The following UBA2 variants were observed in gnomAD, a reference collection of about 807,000 sequenced individuals.
The protein encoded by UBA2 is SUMO-activating enzyme subunit 2.
Under a neutral mutation model 77.2 loss-of-function variants are expected in UBA2, and 11 were observed. That is an observed-to-expected ratio of 0.14 (90% CI 0.09 to 0.24). The LOEUF is 0.24. UBA2 is among the 10% of genes least tolerant of loss of function. The pLI is 1.00. For missense variants in UBA2, 487 were observed against 781.7 expected (o/e 0.62, Z 4.50); for synonymous variants, 278 against 276.7 (o/e 1.00, Z -0.05).
At chr19:34,449,006 A>T (rs2145530548) in intron 8 of UBA2, among the ~76,000 whole-genome samples, 1 of 149,856 alleles carries the variant, frequency 6.7e-6, no homozygotes, top group Middle Eastern at 3.4e-3. Context: ...CTTTGTACCC[A>T]TTTCACATGT....
chr19:34,450,058 T>C (rs2145533803), intron 8 of UBA2, among the ~76,000 whole-genome samples: 1 of 152,338 alleles, frequency 6.6e-6, no homozygotes, highest in African/African-American at 2.4e-5. Context: ...CTCAGAGCAC[T>C]TCTGCATTTC....
At chr19:34,438,543 A>G in intron 5 of UBA2, 102 bp from the exon 6 acceptor site, 1 of 1,420,186 alleles carries the variant, frequency 7.0e-7, no homozygotes, top group Admixed American at 2.3e-5. Context: ...TTGACAACGT[A>G]AAACGTAGTT....
Position 34,428,562 on chromosome 19 carries a change from A to G in UBA2, c.130A>G (p.Ile44Val), listed in dbSNP as rs370032824. 1.7e-5 allele frequency: 22 copies of G among 1,276,624 alleles called. No individual in the cohort carries two copies. Among genetic ancestry groups the G allele is most frequent in the East Asian group, 6.1e-5 (2 of 32,686 alleles). 79.1% of individuals were successfully genotyped at this position (1,276,624 alleles called of 1,614,324 possible). The stretch of plus-strand genomic sequence containing the variant: ...TCTCGTGCTCACCGGTTTCTCCCAC[A>G]TCGACCTGGTGAGGGCCGGGCGCGC... ...KNLVLTGFSH[I>V]DLIDLDTIDV... Residue 44 changes from isoleucine to valine, a missense_variant, in exon 1 of 17, where the codon ATC becomes GTC. By Grantham distance (29) the Ile-to-Val change is conservative (BLOSUM62 3). Transcript: ENST00000246548.
At chr19:34,451,580 C>CTCTG (rs1390497873) in intron 9 of UBA2, among the ~76,000 whole-genome samples, 5 of 104,534 alleles carry the variant, frequency 4.8e-5, no homozygotes, top group African/African-American at 1.8e-4. Context: ...CAGAGTCTTG[C>CTCTG]TCTGTCGCCC....
intron 7 of UBA2, 92 bp from the exon 8 acceptor site, chr19:34,444,908 T>C: frequency 6.6e-6 from 9 of 1,355,798 alleles, no homozygotes; most frequent in Non-Finnish European, 8.0e-6. Flanking sequence ...GGGATTTCCA[T>C]GAGTGACTTT....
chr19:34,456,897 A>G (rs1012560663), intron 12 of UBA2, among the ~76,000 whole-genome samples: 2 of 151,900 alleles, frequency 1.3e-5, no homozygotes, highest in Non-Finnish European at 2.9e-5. Context: ...AATTTTTTAT[A>G]GCAGCCTGAA....
At chr19:34,447,073 C>T (rs115879684) in intron 8 of UBA2, among the ~76,000 whole-genome samples, 1 of 152,206 alleles carries the variant, frequency 6.6e-6, no homozygotes, top group African/African-American at 2.4e-5. Flanking sequence ...CAACAATAGG[C>T]CCATCTGCAA....
chr19:34,445,109 A>G lies in UBA2; in HGVS notation c.759A>G (p.Lys253=), dbSNP rs371487963. ...AATCAACTGGATATGATCCAGTTAA[A>G]CTTTTTACCAAGGTTAGATTTACTT... ...WAKSTGYDPV[K]LFTKLFKDDI... is the part of the protein sequence containing the mutation. The change falls in exon 8 of 17, where the codon AAA becomes AAG. Residue 253 remains lysine, a synonymous_variant. Coordinates refer to ENST00000246548, the MANE Select transcript of UBA2 (RefSeq NM_005499.3). The G allele has an allele frequency of 1.3e-5, 21 of 1,610,512 alleles. No homozygotes were observed. The African/African-American group carries it at 2.5e-4, about 19-fold the overall frequency.
At chr19:34,452,375 G>T (rs60857340) in intron 10 of UBA2, among the ~76,000 whole-genome samples, 34,782 of 152,066 alleles carry the variant, frequency 0.23, 4,591 homozygotes, top group East Asian at 0.62. Flanking sequence ...TGTGTTCAGG[G>T]TTTATAATTA....
chr19:34,442,461 T>TG (rs2075381018), intron 6 of UBA2, among the ~76,000 whole-genome samples: 1 of 152,202 alleles, frequency 6.6e-6, no homozygotes, highest in African/African-American at 2.4e-5. Context: ...TGTTGTTTTT[T>TG]TGAGATGGAG....
At chr19:34,449,676 T>C (rs1458928744) in intron 8 of UBA2, among the ~76,000 whole-genome samples, 2 of 152,184 alleles carry the variant, frequency 1.3e-5, no homozygotes, top group Non-Finnish European at 2.9e-5. Flanking sequence ...ACTTGTAATG[T>C]TTTTGTTTTT....
rs781017665 is a variant in UBA2 at position 34,431,943 on chromosome 19, T to G, written c.293+12T>G. Reference sequence around the variant, plus strand: ...GACAGCATCATGAAGTATGCTATAGTGATTACATTGCAAAGTTGTATAAGG... The same window carrying G: ...GACAGCATCATGAAGTATGCTATAGGGATTACATTGCAAAGTTGTATAAGG... On this transcript the variant is annotated intron_variant, in intron 3 of 16. Transcript: ENST00000246548. 6.5e-7 allele frequency: 1 copy of G among 1,544,644 alleles called. No individual in the cohort carries two copies. Among genetic ancestry groups the G allele is most frequent in the Non-Finnish European group, 8.7e-7 (1 of 1,152,282 alleles).
chr19:34,465,510 G>A (rs1194746998), intron 15 of UBA2, among the ~76,000 whole-genome samples: 1 of 152,014 alleles, frequency 6.6e-6, no homozygotes, highest in East Asian at 1.9e-4. Context: ...GGTGGCATGT[G>A]CCTGCAGTCC....
At position 34,433,511 on chromosome 19, in the gene UBA2, A is replaced by G. The variant is rs2145491880; in HGVS notation, c.358+99A>G. 4.9e-6 allele frequency: 4 copies of G among 816,766 alleles called. 1 individual carries two copies. The Admixed American group carries it at 1.0e-4, about 20-fold the overall frequency. 50.6% of individuals were successfully genotyped at this position (816,766 alleles called of 1,614,324 possible). A position where few individuals can be genotyped will look rare whatever the true frequency, so the allele number is the denominator to read the frequency against. On this transcript the variant is annotated intron_variant, in intron 4 of 16. Coordinates refer to ENST00000246548, the MANE Select transcript of UBA2 (RefSeq NM_005499.3). ...ATTTATTAGACTATTGTGATTTAGA[A>G]CTTAAAAGACTTAAGAGAAATGATC...
At chr19:34,438,532 C>T in intron 5 of UBA2, 113 bp from the exon 6 acceptor site, 1 of 1,336,464 alleles carries the variant, frequency 7.5e-7, no homozygotes, top group Non-Finnish European at 1.0e-6. Context: ...TTAAAATTTC[C>T]TTGACAACGT....
chr19:34,431,634 G>A (rs2075256786), intron 2 of UBA2, among the ~76,000 whole-genome samples: 1 of 152,040 alleles, frequency 6.6e-6, no homozygotes, highest in East Asian at 1.9e-4. Flanking sequence ...AAGTGTGTTT[G>A]GTGGTACGTG....
At chr19:34,431,974 G>T (rs760170347) in intron 3 of UBA2, 43 bp downstream of exon 3, 1 of 1,485,872 alleles carries the variant, frequency 6.7e-7, no homozygotes, top group South Asian at 1.2e-5. Context: ...TAAGGGTTTT[G>T]TAAGCCAAAT....
At chr19:34,452,177 T>A in intron 10 of UBA2, 30 bp downstream of exon 10, 1 of 1,530,050 alleles carries the variant, frequency 6.5e-7, no homozygotes, top group Non-Finnish European at 8.9e-7. Flanking sequence ...GGCAAGTACT[T>A]ACATGTCAAA....
At chr19:34,442,055 T>G (rs1049841196) in intron 6 of UBA2, among the ~76,000 whole-genome samples, 1 of 151,690 alleles carries the variant, frequency 6.6e-6, no homozygotes, top group Admixed American at 6.6e-5. Context: ...GGCAACATAG[T>G]GAAACCCCAT....
Sources: allele counts gnomAD v4.1 joint callset (sites outside exome capture counted in the v4.1 genomes callset), GRCh38; gene constraint gnomAD v4.1.1; transcripts MANE v1.5; gene names NCBI Gene and HGNC (gene_info 2026-07-23, HGNC 2026-07-21).